Variants in FRMD3 observed in about 807,000 individuals in gnomAD.
FRMD3 encodes FERM domain containing 3.
A neutral mutation model predicts 70.2 loss-of-function variants in FRMD3; 33 were observed. That is an observed-to-expected ratio of 0.47 (90% confidence interval 0.36 to 0.63). The LOEUF (loss-of-function observed/expected upper bound fraction) is 0.63, where lower values mean the gene tolerates loss of function less well. Among genes scored for constraint, FRMD3 ranks in the 20% least tolerant of loss-of-function variants. The probability of loss-of-function intolerance (pLI) is 0.00; values close to 1 mark genes in which losing one functional copy is unlikely to be tolerated. For synonymous variants in FRMD3, 279 were observed against 255.9 expected (o/e 1.09, Z -0.86); for missense variants, 632 against 711.4 (o/e 0.89, Z 1.27).
chr9:83,397,443 C>T (rs552857590), intron 1 of FRMD3, among the ~76,000 whole-genome samples: 1 of 152,266 alleles, frequency 6.6e-6, no homozygotes, highest in East Asian at 1.9e-4. Context: ...CCCTCTAAAG[C>T]TGCCCAACAA....
intron 1 of FRMD3, among the ~76,000 whole-genome samples, chr9:83,481,299 G>C (rs1239246143): frequency 6.6e-6 from 1 of 152,138 alleles, no homozygotes; most frequent in Non-Finnish European, 1.5e-5. Flanking sequence ...CGTGAACTAA[G>C]GATTATGATT....
At position 83,423,086 on chromosome 9, in the gene FRMD3, A is replaced by G. The variant is rs566554122; in HGVS notation, c.148-33378T>C. Among the ~76,000 whole-genome samples, 20 of 152,280 alleles carry G rather than the reference A, an allele frequency of 1.3e-4. No homozygotes were observed. The South Asian group carries it at 4.1e-3, about 32-fold the overall frequency. On this transcript the variant is annotated intron_variant, in intron 1 of 13. Coordinates refer to ENST00000304195, the MANE Select transcript of FRMD3 (RefSeq NM_174938.6). Reference sequence around the variant, plus strand: ...AGAGTAAAGCCAATAAAAAAGCACCAATTTCGATATTTTGAAGATATATAC... The same window carrying G: ...AGAGTAAAGCCAATAAAAAAGCACCGATTTCGATATTTTGAAGATATATAC...
In FRMD3 at chr9:83,324,590, A is replaced by AC; in HGVS notation, c.597-10844dup. ...ATGAAATATTACGCAGTCCACAAGG[A>AC]CCCCCAAACTAAAGGGTATTTATTG... On this transcript the variant is annotated intron_variant, in intron 6 of 13. Coordinates refer to ENST00000304195, the MANE Select transcript of FRMD3 (RefSeq NM_174938.6). 2.0e-5 allele frequency among the ~76,000 whole-genome samples: 3 copies of AC among 152,266 alleles called. No individual in the cohort carries two copies. In the Middle Eastern group the frequency reaches 0.01, roughly 518 times the overall value.
intron 13 of FRMD3, among the ~76,000 whole-genome samples, chr9:83,289,605 T>C (rs528785577): frequency 8.5e-5 from 13 of 152,358 alleles, no homozygotes; most frequent in African/African-American, 2.9e-4. Flanking sequence ...TTTTCTCCTG[T>C]GAAATAAATT....
At chr9:83,427,026 C>A (rs1826830260) in intron 1 of FRMD3, among the ~76,000 whole-genome samples, 1 of 152,182 alleles carries the variant, frequency 6.6e-6, no homozygotes, top group Admixed American at 6.5e-5. Context: ...AAAAGAAAAG[C>A]ACTCAAAGAA....
chr9:83,508,862 G>T (rs558691889), intron 1 of FRMD3, among the ~76,000 whole-genome samples: 1 of 152,232 alleles, frequency 6.6e-6, no homozygotes, highest in Admixed American at 6.5e-5. Context: ...TTGTTGAGTA[G>T]CTGGCTGGCC....
intron 1 of FRMD3, among the ~76,000 whole-genome samples, chr9:83,491,745 G>A (rs546592473): frequency 2.6e-5 from 4 of 152,214 alleles, no homozygotes; most frequent in South Asian, 2.1e-4. Flanking sequence ...GTAGGAAAGG[G>A]ATTATGTTAC....
the FRMD3 span, among the ~76,000 whole-genome samples, chr9:83,577,872 CAA>C: frequency 2.0e-5 from 3 of 150,150 alleles, no homozygotes; most frequent in African/African-American, 4.9e-5. Context: ...AAATAATAGA[CAA>C]AAAAATTAAT....
chr9:83,326,790 T>C (rs1836036305), intron 6 of FRMD3, among the ~76,000 whole-genome samples: 1 of 152,218 alleles, frequency 6.6e-6, no homozygotes, highest in Non-Finnish European at 1.5e-5. Flanking sequence ...CATTTAAAGG[T>C]AAAGACCAGT....
chr9:83,311,821 C>A (rs1190533876), intron 8 of FRMD3, 66 bp downstream of exon 8: 10 of 1,132,396 alleles, frequency 8.8e-6, no homozygotes, highest in Non-Finnish European at 1.3e-5. Context: ...CCCGAGAAGC[C>A]AAGGAGGGGA....
intron 13 of FRMD3, chr9:83,276,689 T>C (rs918344292): frequency 1.3e-5 from 2 of 152,082 alleles, no homozygotes; most frequent in Non-Finnish European, 2.9e-5. Flanking sequence ...CCACCATAGG[T>C]TTTGTCTTTC....
the FRMD3 span, among the ~76,000 whole-genome samples, chr9:83,566,328 G>A: frequency 6.6e-6 from 1 of 152,080 alleles, no homozygotes; most frequent in African/African-American, 2.4e-5. Context: ...CCTTCTCCTG[G>A]GTCCCTCCCA....
At chr9:83,408,829 T>C (rs548632230) in intron 1 of FRMD3, among the ~76,000 whole-genome samples, 77 of 152,124 alleles carry the variant, frequency 5.1e-4, no homozygotes, top group Non-Finnish European at 9.1e-4. Flanking sequence ...CAGAAACACG[T>C]GAACTGGAAG....
intron 1 of FRMD3, among the ~76,000 whole-genome samples, chr9:83,407,878 T>TCTCTCTCTCTCTC (rs1826164799): frequency 3.4e-5 from 3 of 89,092 alleles, no homozygotes; most frequent in Non-Finnish European, 6.3e-5. Context: ...TCTCTCATCT[T>TCTCTCTCTCTCTC]TCTCTCTCTC....
intron 3 of FRMD3, among the ~76,000 whole-genome samples, chr9:83,358,246 T>C (rs565839828): frequency 6.6e-6 from 1 of 152,362 alleles, no homozygotes; most frequent in Admixed American, 6.5e-5. Context: ...GCTGTAAGTA[T>C]TTGGCTTTAT....
chr9:83,388,208 A>G (rs779241255), intron 2 of FRMD3, among the ~76,000 whole-genome samples: 6 of 152,182 alleles, frequency 3.9e-5, no homozygotes, highest in Admixed American at 6.5e-5. Context: ...AATCTAATCT[A>G]TTCCTTAAAT....
At chr9:83,316,630 A>C (rs1020649753) in intron 6 of FRMD3, among the ~76,000 whole-genome samples, 9 of 152,180 alleles carry the variant, frequency 5.9e-5, no homozygotes, top group Non-Finnish European at 1.0e-4. Flanking sequence ...GAATATCTTT[A>C]TGTATTCATC....
At chr9:83,414,656 C>A (rs1278719214) in intron 1 of FRMD3, among the ~76,000 whole-genome samples, 2 of 152,148 alleles carry the variant, frequency 1.3e-5, no homozygotes, top group East Asian at 3.9e-4. Context: ...GACAAACAAC[C>A]CAATTTAAAA....
intron 1 of FRMD3, among the ~76,000 whole-genome samples, chr9:83,405,404 T>C (rs1190046282): frequency 6.6e-6 from 1 of 151,850 alleles, no homozygotes; most frequent in African/African-American, 2.4e-5. Context: ...ATCAGCTGGG[T>C]CCCCTAAAAG....
Sources: allele counts gnomAD v4.1 joint callset (sites outside exome capture counted in the v4.1 genomes callset), GRCh38; gene constraint gnomAD v4.1.1; transcripts MANE v1.5; gene names NCBI Gene and HGNC (gene_info 2026-07-23, HGNC 2026-07-21).